Variants in SEMA3A observed in about 807,000 individuals in gnomAD.
The protein encoded by SEMA3A is semaphorin 3A.
A neutral mutation model predicts 97.9 loss-of-function variants in SEMA3A; 29 were observed. The observed-to-expected ratio is 0.30, with a 90% CI of 0.22 to 0.40. The LOEUF (loss-of-function observed/expected upper bound fraction) is 0.40. Among genes scored for constraint, SEMA3A ranks in the 10% least tolerant of loss-of-function variants. The probability of loss-of-function intolerance (pLI) is 1.00; values close to 1 mark genes in which losing one functional copy is unlikely to be tolerated. For synonymous variants in SEMA3A, 321 were observed against 323.7 expected (o/e 0.99, Z 0.09); for missense variants, 763 against 951.3 (o/e 0.80, Z 2.60).
intron 3 of SEMA3A, among the ~76,000 whole-genome samples, chr7:84,217,702 A>T (rs558217870): frequency 2.6e-5 from 4 of 152,104 alleles, no homozygotes; most frequent in African/African-American, 4.8e-5. Flanking sequence ...TCAAGACTTC[A>T]TTGAACTATG....
rs979970386 is a variant in SEMA3A at position 84,313,372 on chromosome 7, A to G, written c.-168-6080T>C. On this transcript the variant is annotated intron_variant, in intron 2 of 3. Transcript: ENST00000424555. The stretch of plus-strand genomic sequence containing the variant: ...TGTGTGTGTGTATATATATATATAT[A>G]TATATATATATATATATATATATAT... Among the ~76,000 whole-genome samples, 106 of 43,240 alleles carry G rather than the reference A, an allele frequency of 2.5e-3. 4 individuals carry two copies. The highest frequency in any genetic ancestry group is 5.1e-3 in the African/African-American group (93 of 18,184). 28.4% of individuals were successfully genotyped at this position (43,240 alleles called of 152,430 possible). A position where few individuals can be genotyped will look rare whatever the true frequency, so the allele number is the denominator to read the frequency against.
At chr7:84,218,752 C>T (rs1798808043) in intron 3 of SEMA3A, among the ~76,000 whole-genome samples, 1 of 151,954 alleles carries the variant, frequency 6.6e-6, no homozygotes, top group South Asian at 2.1e-4. Context: ...CTTCCTATAG[C>T]TTGTCCCTTT....
intron 1 of SEMA3A, among the ~76,000 whole-genome samples, chr7:84,386,809 G>T (rs1240081524): frequency 6.6e-6 from 1 of 151,984 alleles, no homozygotes; most frequent in Non-Finnish European, 1.5e-5. Flanking sequence ...ACATCAGCCT[G>T]GCCAACATGG....
At chr7:84,086,499 A>ATG (rs1426316464) in intron 4 of SEMA3A, among the ~76,000 whole-genome samples, 1 of 53,120 alleles carries the variant, frequency 1.9e-5, no homozygotes, top group African/African-American at 4.2e-5. Flanking sequence ...TACATATAAT[A>ATG]TATTATTATA....
At chr7:84,473,665 A>T (rs2116415761) in intron 1 of SEMA3A, among the ~76,000 whole-genome samples, 1 of 152,230 alleles carries the variant, frequency 6.6e-6, no homozygotes, top group South Asian at 2.1e-4. Context: ...CTGGGTTTAC[A>T]GGCATGAGCC....
intron 1 of SEMA3A, among the ~76,000 whole-genome samples, chr7:84,152,231 A>C (rs1796694285): frequency 6.6e-6 from 1 of 150,686 alleles, no homozygotes; most frequent in Non-Finnish European, 1.5e-5. Context: ...TGCTATAAAG[A>C]CACATGCACA....
At chr7:84,029,027 A>G (rs1010572973) in intron 6 of SEMA3A, among the ~76,000 whole-genome samples, 3 of 152,204 alleles carry the variant, frequency 2.0e-5, no homozygotes, top group Admixed American at 2.0e-4. Flanking sequence ...CTTTTCTACC[A>G]TGGTGAATGA....
intron 3 of SEMA3A, among the ~76,000 whole-genome samples, chr7:84,231,943 T>TA (rs997021309): frequency 4.4e-4 from 66 of 151,710 alleles, no homozygotes; most frequent in African/African-American, 7.3e-5. Context: ...ACTTGGTTCT[T>TA]AGAGTAGAAG....
chr7:84,145,916 C>T (rs1049823798), intron 1 of SEMA3A, among the ~76,000 whole-genome samples: 1 of 152,096 alleles, frequency 6.6e-6, no homozygotes, highest in Non-Finnish European at 1.5e-5. Context: ...GTTTGCAGTC[C>T]CTAATCTTGT....
intron 1 of SEMA3A, among the ~76,000 whole-genome samples, chr7:84,480,255 A>G (rs1806410274): frequency 6.6e-6 from 1 of 152,094 alleles, no homozygotes; most frequent in East Asian, 1.9e-4. Context: ...CTGAATTTCC[A>G]ACTGCAAGAT....
intron 6 of SEMA3A, among the ~76,000 whole-genome samples, chr7:84,037,634 A>C (rs1030867241): frequency 1.3e-5 from 2 of 152,188 alleles, no homozygotes. Context: ...AAAATTTAGC[A>C]AATCTTCAAG....
At chr7:83,980,854 A>G (rs1789386533) in intron 14 of SEMA3A, among the ~76,000 whole-genome samples, 2 of 151,954 alleles carry the variant, frequency 1.3e-5, no homozygotes, top group Non-Finnish European at 2.9e-5. Flanking sequence ...AATTACATAT[A>G]TCACATATTA....
At position 84,132,833 on chromosome 7, in the gene SEMA3A, A is replaced by T. The variant is rs542316741; in HGVS notation, c.270+1961T>A. Among the ~76,000 whole-genome samples, 8 of 151,050 alleles carry T rather than the reference A, an allele frequency of 5.3e-5. No individual in the cohort carries two copies. In the South Asian group the frequency reaches 1.7e-3, roughly 32 times the overall value. ...TGGGATTACAGGCACTCATTACCACACCCAGCTAATTTTTGTATTTTTAGT... is the reference window on the plus strand; with the variant it reads ...TGGGATTACAGGCACTCATTACCACTCCCAGCTAATTTTTGTATTTTTAGT... On this transcript the variant is annotated intron_variant, in intron 2 of 16. Coordinates refer to ENST00000265362, the MANE Select transcript of SEMA3A (RefSeq NM_006080.3).
In SEMA3A at chr7:84,134,780, T is replaced by G. The variant is rs1157642375; in HGVS notation, c.270+14A>C. 1.9e-6 allele frequency: 3 copies of G among 1,588,356 alleles called. No individual in the cohort carries two copies. The highest frequency in any genetic ancestry group is 1.4e-5 in the African/African-American group (1 of 74,060). On this transcript the variant is annotated intron_variant, in intron 2 of 16. Coordinates refer to ENST00000265362, the MANE Select transcript of SEMA3A (RefSeq NM_006080.3). Reference sequence around the variant, plus strand: ...TTCAAAATAACTATAGTGCATATATTAGAATACTGATACCTTTTGAAAATC... The same window carrying G: ...TTCAAAATAACTATAGTGCATATATGAGAATACTGATACCTTTTGAAAATC...
intron 4 of SEMA3A, among the ~76,000 whole-genome samples, chr7:84,091,741 C>T (rs1794610967): frequency 6.6e-6 from 1 of 152,138 alleles, no homozygotes; most frequent in Non-Finnish European, 1.5e-5. Flanking sequence ...TCATGCTTTT[C>T]TCAAGATGAA....
At chr7:84,101,322 T>C (rs1046039749) in intron 4 of SEMA3A, among the ~76,000 whole-genome samples, 1 of 152,150 alleles carries the variant, frequency 6.6e-6, no homozygotes, top group African/African-American at 2.4e-5. Flanking sequence ...ATGACATCAT[T>C]ATCCTCCTTT....
intron 3 of SEMA3A, among the ~76,000 whole-genome samples, chr7:84,222,999 A>G (rs1047370306): frequency 1.3e-5 from 2 of 151,912 alleles, no homozygotes; most frequent in African/African-American, 4.8e-5. Flanking sequence ...ATAAAATCTT[A>G]GAATTATTTC....
At chr7:84,388,449 T>A (rs1562929226) in intron 1 of SEMA3A, among the ~76,000 whole-genome samples, 1 of 152,074 alleles carries the variant, frequency 6.6e-6, no homozygotes, top group Non-Finnish European at 1.5e-5. Flanking sequence ...AGGGATTATA[T>A]GAGTATTCTG....
intron 3 of SEMA3A, among the ~76,000 whole-genome samples, chr7:84,248,864 T>C (rs1267549604): frequency 1.3e-5 from 2 of 151,348 alleles, no homozygotes; most frequent in South Asian, 2.1e-4. Flanking sequence ...TATGAGGGAG[T>C]GTGAGGCTTC....
Sources: allele counts gnomAD v4.1 joint callset (sites outside exome capture counted in the v4.1 genomes callset), GRCh38; gene constraint gnomAD v4.1.1; transcripts MANE v1.5; gene names NCBI Gene and HGNC (gene_info 2026-07-23, HGNC 2026-07-21).